TNFAIP2: variants seen among roughly 807,000 people sequenced by gnomAD.
TNFAIP2 encodes TNF alpha induced protein 2, also known as tumor necrosis factor alpha-induced protein 2.
In TNFAIP2, 47 loss-of-function variants were observed where a neutral mutation model predicts 63.5. The ratio of observed to expected loss-of-function variants is 0.74; its 90% CI spans 0.59 to 0.94. TNFAIP2 has a LOEUF of 0.94. TNFAIP2 is among the 40% of genes least tolerant of loss of function. TNFAIP2 has a pLI of 0.00. For synonymous variants in TNFAIP2, 405 were observed against 390.2 expected (o/e 1.04, Z -0.45); for missense variants, 787 against 850.2 (o/e 0.93, Z 0.92).
chr14:103,132,189 A>G (rs759489963), intron 8 of TNFAIP2, among the ~76,000 whole-genome samples: 1 of 152,104 alleles, frequency 6.6e-6, no homozygotes, highest in Non-Finnish European at 1.5e-5. Context: ...CCTGACTCCC[A>G]GCAACTGAGG....
chr14:103,135,127 G>C lies in TNFAIP2; in HGVS notation c.1824-92G>C. Reference sequence around the variant, plus strand: ...CCCCCTCGTGGGCCGGGCGTTGGCTGTCGGGCCCTGTGGCACTGGCCGGGA... The same window carrying C: ...CCCCCTCGTGGGCCGGGCGTTGGCTCTCGGGCCCTGTGGCACTGGCCGGGA... On this transcript the variant is annotated intron_variant, in intron 11 of 11. Coordinates refer to ENST00000560869, the MANE Select transcript of TNFAIP2 (RefSeq NM_006291.4). This position sits in a 1 kb window ranked among gnomAD's most constrained non-coding sequence, Gnocchi z 7.6. The C allele has an allele frequency of 6.5e-7, 1 of 1,549,528 alleles. No individual in the cohort carries two copies.
In TNFAIP2 at chr14:103,133,533, C is replaced by T. The variant is rs760883442; in HGVS notation, c.1701+16C>T. ...CACCCAGCACGTAAGCCGCTGCCCA[C>T]CTCTCCCAAGCCCCTCTGAAATGGC... is the stretch of plus-strand genomic sequence containing the variant. On this transcript the variant is annotated intron_variant, in intron 10 of 11. Coordinates refer to ENST00000560869, the MANE Select transcript of TNFAIP2 (RefSeq NM_006291.4). 2.4e-5 allele frequency: 38 copies of T among 1,611,880 alleles called. No individual in the cohort carries two copies. The highest frequency in any genetic ancestry group is 3.2e-5 in the Non-Finnish European group (38 of 1,178,636).
At chr14:103,121,949 C>T (rs1362277961), upstream of TNFAIP2, among the ~76,000 whole-genome samples, 1 of 152,156 alleles carries the variant, frequency 6.6e-6, no homozygotes, top group Non-Finnish European at 1.5e-5. Flanking sequence ...CACAATGAGG[C>T]CACAGCAGCC....
chr14:103,135,559 G>C lies in TNFAIP2; in HGVS notation c.*199G>C, dbSNP rs757680261. On this transcript the variant is annotated 3_prime_UTR_variant, in exon 12 of 12. Transcript: ENST00000560869. The surrounding 1 kb of genome is among the most constrained non-coding windows in gnomAD (Gnocchi z 7.6). ...CCTTGGTTTGTTTACATGTCCGATG[G>C]GGGCAGGAGCTCCCATCCTGGGCAG... 8.4e-6 allele frequency: 12 copies of C among 1,431,482 alleles called. No individual in the cohort carries two copies. Among genetic ancestry groups the C allele is most frequent in the Non-Finnish European group, 1.1e-5 (12 of 1,097,116 alleles). The allele number at this position is 1,431,482 out of a possible 1,614,324, so 88.7% of individuals were successfully genotyped here.
chr14:103,129,940 C>A, intron 4 of TNFAIP2, 62 bp from the exon 5 acceptor site: 1 of 1,606,568 alleles, frequency 6.2e-7, no homozygotes, highest in Admixed American at 1.7e-5. Flanking sequence ...GGGAGCTTGA[C>A]GGGTCTTCCA....
rs935832555 is a variant in TNFAIP2, at chr14:103,126,803, G to A, written c.235+111G>A. 7 of 1,350,602 alleles carry A rather than the reference G, an allele frequency of 5.2e-6. No homozygotes were observed. The South Asian group carries it at 5.9e-5, about 11-fold the overall frequency. 83.7% of individuals were successfully genotyped at this position (1,350,602 alleles called of 1,614,324 possible). On this transcript the variant is annotated intron_variant, in intron 2 of 11. Coordinates refer to ENST00000560869, the MANE Select transcript of TNFAIP2 (RefSeq NM_006291.4). ...GCCGGCAAGTGGGGCTGGAAGGCGC[G>A]TCTGTCTCCCTGCTTTCACCTGTGC...
chr14:103,127,553 G>A lies in TNFAIP2; in HGVS notation c.784G>A (p.Ala262Thr). Reference protein sequence around the residue: ...SYHQHFAAHLAAVAQFELCER... With the variant: ...SYHQHFAAHLTAVAQFELCER... ...CCACCAGCACTTCGCGGCCCACCTG[G>A]CCGCCGTGGCGCAGTTCGAGCTGTG... is the stretch of plus-strand genomic sequence containing the variant. Residue 262 changes from alanine (A) to threonine (T), a missense_variant, in exon 3 of 12, where the codon GCC becomes ACC. Ala to Thr is a moderately conservative substitution (Grantham distance 58). Transcript: ENST00000560869. This position sits in a 1 kb window ranked among gnomAD's most constrained non-coding sequence, Gnocchi z 5.1. The A allele has an allele frequency of 6.3e-7, 1 of 1,584,080 alleles. No individual in the cohort carries two copies. Among genetic ancestry groups the A allele is most frequent in the Non-Finnish European group, 8.5e-7 (1 of 1,172,082 alleles).
At chr14:103,130,928 C>A in intron 6 of TNFAIP2, 124 bp from the exon 7 acceptor site, 1 of 958,918 alleles carries the variant, frequency 1.0e-6, no homozygotes, top group Non-Finnish European at 1.6e-6. Flanking sequence ...AGCGGCCCCT[C>A]CCTTGGCTAT....
intron 5 of TNFAIP2, 69 bp downstream of exon 5, chr14:103,130,193 G>T: frequency 6.4e-7 from 1 of 1,574,030 alleles, no homozygotes; most frequent in Admixed American, 1.7e-5. Flanking sequence ...CGCACATTCC[G>T]TCCTGTGTGC....
At position 103,136,151 on chromosome 14, in the gene TNFAIP2, G is replaced by C. The variant is rs2139574470; in HGVS notation, c.*791G>C. 1 of 691,160 alleles carries C rather than the reference G, an allele frequency of 1.4e-6. No homozygotes were observed. The highest frequency in any genetic ancestry group is 1.9e-5 in the South Asian group (1 of 53,640). 42.8% of individuals were successfully genotyped at this position (691,160 alleles called of 1,614,324 possible). ...ACAGGCCCTGGGGGTGCCACCGTGG[G>C]CCCTGCCACCCAGAAGTCTGGCTGA... On this transcript the variant is annotated 3_prime_UTR_variant, in exon 12 of 12. Coordinates refer to ENST00000560869, the MANE Select transcript of TNFAIP2 (RefSeq NM_006291.4).
Position 103,131,036 on chromosome 14 carries a change from C to G in TNFAIP2, c.1200-16C>G, listed in dbSNP as rs1436348150. 1 of 1,613,784 alleles carries G rather than the reference C, an allele frequency of 6.2e-7. No individual in the cohort carries two copies. Among genetic ancestry groups the G allele is most frequent in the African/African-American group, 1.3e-5 (1 of 74,934 alleles). ...GTTTGGGCTGGTCCTGAATGTGCCC[C>G]TTCTGGTTTCGCCAGCTACCAGCGC... is the stretch of plus-strand genomic sequence containing the variant. On this transcript the variant is annotated splice_polypyrimidine_tract_variant and intron_variant, in intron 6 of 11. Coordinates refer to ENST00000560869, the MANE Select transcript of TNFAIP2 (RefSeq NM_006291.4). The surrounding 1 kb of genome is among the most constrained non-coding windows in gnomAD (Gnocchi z 4.0).
Position 103,126,633 on chromosome 14 carries a change from C to T in TNFAIP2, c.176C>T (p.Ser59Leu), listed in dbSNP as rs753889555. 11 of 1,554,772 alleles carry T rather than the reference C, an allele frequency of 7.1e-6. No individual in the cohort carries two copies. Among genetic ancestry groups the T allele is most frequent in the Non-Finnish European group, 8.7e-6 (10 of 1,148,874 alleles). ...KGKKKKGQPS[S>L]AEPEDAAGSR... is the part of the protein sequence containing the mutation. Reference sequence around the variant, plus strand: ...AAGAAGAAGAAGGGTCAGCCCAGCTCAGCGGAGCCCGAGGACGCAGCCGGG... The same window carrying T: ...AAGAAGAAGAAGGGTCAGCCCAGCTTAGCGGAGCCCGAGGACGCAGCCGGG... Residue 59 changes from serine (S) to leucine (L), a missense_variant, in exon 2 of 12, where the codon TCA (serine) becomes TTA (leucine). By Grantham distance (145) the Ser-to-Leu change is moderately radical. Around this residue, in one of 3 missense-constraint regions of TNFAIP2, gnomAD observed 258 missense variants for 228.9 expected, o/e 1.13. Transcript: ENST00000560869.
Position 103,132,827 on chromosome 14 carries a change from C to A in TNFAIP2, c.1500C>A (p.Asp500Glu), listed in dbSNP as rs2088005834. 2 of 1,614,108 alleles carry A rather than the reference C, an allele frequency of 1.2e-6. No individual in the cohort carries two copies. The highest frequency in any genetic ancestry group is 1.7e-6 in the Non-Finnish European group (2 of 1,179,988). The change falls in exon 9 of 12, where the codon GAC becomes GAA. Residue 500 changes from aspartate to glutamate, a missense_variant. This residue lies in a region of TNFAIP2 where 523 missense variants were observed against 604.1 expected (regional missense o/e 0.87). Transcript: ENST00000560869. ...TGGAAAACATCATCGCCACTGTAGA[C>A]ACGAGGCTGCCTGAGTTCTCAGAGC... ...ETLENIIATV[D>E]TRLPEFSELQ... is the part of the protein sequence containing the mutation.
Position 103,131,194 on chromosome 14 carries a change from C to A in TNFAIP2, c.1298+44C>A. On this transcript the variant is annotated intron_variant, in intron 7 of 11. Coordinates refer to ENST00000560869, the MANE Select transcript of TNFAIP2 (RefSeq NM_006291.4). The surrounding 1 kb of genome is among the most constrained non-coding windows in gnomAD (Gnocchi z 4.0). ...GCTTGCGGGAGTGGGAGTCACTCAGCGGGCAGGAGAGGGGAGCTGGAAGGT... is the reference window on the plus strand; with the variant it reads ...GCTTGCGGGAGTGGGAGTCACTCAGAGGGCAGGAGAGGGGAGCTGGAAGGT... 1 of 1,600,282 alleles carries A rather than the reference C, an allele frequency of 6.2e-7. No homozygotes were observed. Among genetic ancestry groups the A allele is most frequent in the Middle Eastern group, 1.7e-4 (1 of 6,014 alleles).
At chr14:103,122,717 C>G (rs1334497198), upstream of TNFAIP2, 2 of 455,910 alleles carry the variant, frequency 4.4e-6, no homozygotes, top group Admixed American at 2.3e-5. Context: ...GGGCCTTGGG[C>G]CCCTCCCCTT....
Position 103,136,535 on chromosome 14 carries a change from T to G in TNFAIP2, c.*1175T>G, listed in dbSNP as rs1283570779. On this transcript the variant is annotated 3_prime_UTR_variant, in exon 12 of 12. Transcript: ENST00000560869. ...CCCTCCACCACTTTTTTTTTTTTTT[T>G]TTTGAGACAGGGTCTTGCTGTGTTG... 1 of 152,260 alleles carries G rather than the reference T, an allele frequency of 6.6e-6. No homozygotes were observed. The highest frequency in any genetic ancestry group is 1.5e-5 in the Non-Finnish European group (1 of 68,452). The allele number at this position is 152,260 out of a possible 1,614,324, so 9.4% of individuals were successfully genotyped here. A position where few individuals can be genotyped will look rare whatever the true frequency, so the allele number is the denominator to read the frequency against.
At position 103,133,444 on chromosome 14, in the gene TNFAIP2, C is replaced by A; in HGVS notation, c.1628C>A (p.Ala543Asp). ...AAGGGGCGCCTGGTCCTCAAGACGG[C>A]CGAGCAGCAGCAGCAGCTGGCTGGG... Reference protein sequence around the residue: ...LSKGRLVLKTAEQQQQLAGYI... With the variant: ...LSKGRLVLKTDEQQQQLAGYI... Residue 543 changes from alanine (A) to aspartate (D), a missense_variant, in exon 10 of 12, where the codon GCC becomes GAC. Physicochemically the swap from Ala to Asp is moderately radical, Grantham distance 126. Around this residue, in one of 3 missense-constraint regions of TNFAIP2, gnomAD observed 523 missense variants for 604.1 expected, o/e 0.87. Coordinates refer to ENST00000560869, the MANE Select transcript of TNFAIP2 (RefSeq NM_006291.4). 1 of 1,614,042 alleles carries A rather than the reference C, an allele frequency of 6.2e-7. No homozygotes were observed.
In TNFAIP2 at chr14:103,127,694, G is replaced by A. The variant is rs2087891157; in HGVS notation, c.860+65G>A. The A allele has an allele frequency of 7.1e-7, 1 of 1,402,376 alleles. No individual in the cohort carries two copies. Among genetic ancestry groups the A allele is most frequent in the Admixed American group, 3.0e-5 (1 of 33,708 alleles). 86.9% of individuals were successfully genotyped at this position (1,402,376 alleles called of 1,614,324 possible). A position where few individuals can be genotyped will look rare whatever the true frequency, so the allele number is the denominator to read the frequency against. On this transcript the variant is annotated intron_variant, in intron 3 of 11. Transcript: ENST00000560869. This position sits in a 1 kb window ranked among gnomAD's most constrained non-coding sequence, Gnocchi z 5.1. ...GTGTCCTCTGTAGGAGGGGTGTCGA[G>A]GGGTGTCGAGGTGTGCCGCCGGCAG...
At position 103,135,407 on chromosome 14, in the gene TNFAIP2, G is replaced by T. The variant is rs1173437331; in HGVS notation, c.*47G>T. ...CCTGTGAGTGCCCAGCAAGCCTTGG[G>T]CACACCCCGCTGGGAGCTGTTAAGA... On this transcript the variant is annotated 3_prime_UTR_variant, in exon 12 of 12. Coordinates refer to ENST00000560869, the MANE Select transcript of TNFAIP2 (RefSeq NM_006291.4). This position sits in a 1 kb window ranked among gnomAD's most constrained non-coding sequence, Gnocchi z 7.6. The T allele has an allele frequency of 6.4e-7, 1 of 1,560,152 alleles. No homozygotes were observed. The highest frequency in any genetic ancestry group is 1.8e-5 in the Admixed American group (1 of 54,368).
Sources: allele counts gnomAD v4.1 joint callset (sites outside exome capture counted in the v4.1 genomes callset), GRCh38; gene constraint gnomAD v4.1.1; regional missense constraint gnomAD v4.1.1; non-coding constraint Gnocchi (gnomAD v3.1); transcripts MANE v1.5; gene names NCBI Gene and HGNC (gene_info 2026-07-23, HGNC 2026-07-21).